The following TENM2 variants were observed in gnomAD, a reference collection of about 807,000 sequenced individuals.
TENM2 encodes teneurin-2.
In TENM2, 52 loss-of-function variants were observed where a neutral mutation model predicts 245.2. The ratio of observed to expected loss-of-function variants is 0.21; its 90% CI spans 0.17 to 0.27. TENM2 has a LOEUF of 0.27. Ranked by LOEUF, TENM2 falls within the 10% of genes least tolerant of loss-of-function variation. The pLI is 1.00. For missense variants in TENM2, 3,046 were observed against 3,666.8 expected (o/e 0.83, Z 4.37); for synonymous variants, 1,363 against 1,438.9 (o/e 0.95, Z 1.19).
chr5:167,011,422 A>G, the TENM2 span, among the ~76,000 whole-genome samples: 9 of 152,364 alleles, frequency 5.9e-5, no homozygotes, highest in Non-Finnish European at 8.8e-5. Flanking sequence ...GATTTTATTC[A>G]TAAGTGCATG....
chr5:167,514,370 A>C (rs1770170098), intron 2 of TENM2, among the ~76,000 whole-genome samples: 1 of 152,158 alleles, frequency 6.6e-6, no homozygotes, highest in African/African-American at 2.4e-5. Flanking sequence ...AGCACTTCCT[A>C]AGCTCTCTGC....
At chr5:168,256,859 T>C (rs948373022) in intron 27 of TENM2, among the ~76,000 whole-genome samples, 1 of 152,218 alleles carries the variant, frequency 6.6e-6, no homozygotes, top group African/African-American at 2.4e-5. Context: ...TATATATCCA[T>C]ATTTTTGGCA....
At chr5:167,375,044 T>C (rs1443566208) in intron 1 of TENM2, among the ~76,000 whole-genome samples, 154 bp from the exon 4 acceptor site, 2 of 152,228 alleles carry the variant, frequency 1.3e-5, no homozygotes, top group Non-Finnish European at 2.9e-5. Context: ...CCCACTGTCC[T>C]GAATACTCTT....
At chr5:167,736,571 ATAATGCTG>A (rs775998349) in intron 2 of TENM2, among the ~76,000 whole-genome samples, 2 of 152,098 alleles carry the variant, frequency 1.3e-5, no homozygotes, top group African/African-American at 2.4e-5. Flanking sequence ...TCAGTAAAAG[ATAATGCTG>A]TAAGACAACG....
At chr5:167,383,878 A>C (rs1232096420) in intron 2 of TENM2, among the ~76,000 whole-genome samples, 1 of 152,168 alleles carries the variant, frequency 6.6e-6, no homozygotes. Context: ...CATAGCATAT[A>C]TGAACAGGTT....
chr5:167,321,393 G>T (rs963591083), intron 1 of TENM2, among the ~76,000 whole-genome samples: 1 of 152,136 alleles, frequency 6.6e-6, no homozygotes, highest in African/African-American at 2.4e-5. Context: ...CTGACAGACA[G>T]GAATCACATA....
chr5:167,143,658 G>T, the TENM2 span, among the ~76,000 whole-genome samples: 3 of 152,158 alleles, frequency 2.0e-5, no homozygotes, highest in Non-Finnish European at 4.4e-5. Flanking sequence ...CTGGAGACTT[G>T]CTGACATTTT....
In TENM2 at chr5:167,822,208, T is replaced by G. The variant is rs142985201; in HGVS notation, c.503-53778T>G. 1.9e-3 allele frequency among the ~76,000 whole-genome samples: 295 copies of G among 151,934 alleles called. 1 individual carries two copies. The highest frequency in any genetic ancestry group is 3.4e-3 in the Middle Eastern group (1 of 294). Reference sequence around the variant, plus strand: ...AACACCCACGCCCTCTCGGTCACATTGTGAATGTTTGAAAGGAAAAAAAAA... The same window carrying G: ...AACACCCACGCCCTCTCGGTCACATGGTGAATGTTTGAAAGGAAAAAAAAA... On this transcript the variant is annotated intron_variant, in intron 2 of 28. Coordinates refer to ENST00000518659, the Ensembl canonical transcript of TENM2.
intron 4 of TENM2, among the ~76,000 whole-genome samples, chr5:167,969,535 T>C (rs972510314): frequency 6.6e-6 from 1 of 152,214 alleles, no homozygotes; most frequent in African/African-American, 2.4e-5. Flanking sequence ...TCTTGTCCCC[T>C]TTCAACATAT....
intron 5 of TENM2, among the ~76,000 whole-genome samples, chr5:167,999,110 C>T (rs765519499): frequency 1.3e-5 from 2 of 152,152 alleles, no homozygotes; most frequent in Admixed American, 6.5e-5. Flanking sequence ...GGGGCGCAGA[C>T]TAGGAAAAAT....
chr5:167,040,292 C>T, the TENM2 span, among the ~76,000 whole-genome samples: 74 of 151,992 alleles, frequency 4.9e-4, 1 homozygote, highest in Non-Finnish European at 8.7e-4. Flanking sequence ...GTTGTTGTCC[C>T]GGAAGAAGCA....
intron 2 of TENM2, among the ~76,000 whole-genome samples, chr5:167,411,573 AGTGTGTGTGTGTGTGT>A (rs60856762): frequency 6.9e-6 from 1 of 145,048 alleles, no homozygotes; most frequent in African/African-American, 2.6e-5. Context: ...TGTAGGTGAG[AGTGTGTGTGTGTGTGT>A]GTGTGTGTGT....
chr5:167,958,929 A>C (rs543440271), intron 4 of TENM2, among the ~76,000 whole-genome samples: 60 of 152,034 alleles, frequency 3.9e-4, no homozygotes, highest in African/African-American at 1.3e-3. Context: ...CCTTCATTTC[A>C]ACCTTGGTGA....
chr5:168,235,538 G>T (rs1241382721), intron 25 of TENM2, among the ~76,000 whole-genome samples: 1 of 152,194 alleles, frequency 6.6e-6, no homozygotes, highest in African/African-American at 2.4e-5. Context: ...ATTGTGGGCT[G>T]GGCACAGCCT....
chr5:167,944,167 C>T (rs946625986), intron 3 of TENM2, among the ~76,000 whole-genome samples: 18 of 152,212 alleles, frequency 1.2e-4, no homozygotes, highest in East Asian at 1.9e-4. Context: ...CCTATTGGGG[C>T]GGGATGGTCC....
At chr5:167,269,800 C>T in the TENM2 span, among the ~76,000 whole-genome samples, 249 of 152,198 alleles carry the variant, frequency 1.6e-3, 1 homozygote, top group African/African-American at 5.3e-3. Flanking sequence ...CTGTACTTAC[C>T]TACTCTCTTA....
chr5:167,198,974 CA>C, the TENM2 span, among the ~76,000 whole-genome samples: 1 of 151,028 alleles, frequency 6.6e-6, no homozygotes, highest in Non-Finnish European at 1.5e-5. Flanking sequence ...TGATTTAAAA[CA>C]AAGAGCCAGT....
the TENM2 span, among the ~76,000 whole-genome samples, chr5:167,253,628 C>A: frequency 6.6e-6 from 1 of 152,042 alleles, no homozygotes; most frequent in Non-Finnish European, 1.5e-5. Context: ...AATGAATTTT[C>A]ATAAATGATG....
chr5:167,711,901 A>G (rs1319992225), intron 2 of TENM2, among the ~76,000 whole-genome samples: 1 of 152,216 alleles, frequency 6.6e-6, no homozygotes, highest in Non-Finnish European at 1.5e-5. Context: ...GTAACTTGCC[A>G]CCAACTGAAC....
Sources: gnomAD v4.1 joint callset for allele counts (sites outside exome capture counted in the v4.1 genomes callset) on GRCh38, gnomAD v4.1.1 for gene constraint, MANE v1.5 for transcripts, NCBI Gene and HGNC (gene_info 2026-07-23, HGNC 2026-07-21) for gene names.